Variants in OLFML1 observed in about 807,000 individuals in gnomAD.
OLFML1 encodes olfactomedin like 1, also known as olfactomedin-like protein 1.
Under a neutral mutation model 37.3 loss-of-function variants are expected in OLFML1, and 33 were observed. The observed-to-expected ratio is 0.88, with a 90% CI of 0.67 to 1.18. The LOEUF is 1.18. Ranked by LOEUF, OLFML1 falls within the 50% of genes most tolerant of loss-of-function variation. The pLI, the probability that OLFML1 is intolerant of heterozygous loss-of-function variation, is 0.00. For missense variants in OLFML1, 545 were observed against 483.7 expected, an observed-to-expected ratio of 1.13 and a Z score of -1.19; for synonymous variants, 186 against 181.3, an observed-to-expected ratio of 1.03 and a Z score of -0.21.
At position 7,511,001 on chromosome 11, in the gene OLFML1, G is replaced by A. The variant is rs888844873; in HGVS notation, c.*813G>A. The A allele has an allele frequency of 6.6e-6, 1 of 152,204 alleles. No homozygotes were observed. The highest frequency in any genetic ancestry group is 2.4e-5 in the African/African-American group (1 of 41,440). 9.4% of individuals were successfully genotyped at this position (152,204 alleles called of 1,614,324 possible). Reference sequence around the variant, plus strand: ...AAGTCTTTACAGCTGTCATTCTAGAGTTTAGGTGAGTAACACAATTACAAA... The same window carrying A: ...AAGTCTTTACAGCTGTCATTCTAGAATTTAGGTGAGTAACACAATTACAAA... On this transcript the variant is annotated 3_prime_UTR_variant, in exon 3 of 3. Transcript: ENST00000329293.
chr11:7,488,819 A>G (rs899528453), intron 2 of OLFML1: 1 of 163,782 alleles, frequency 6.1e-6, no homozygotes, highest in Admixed American at 5.9e-5. Flanking sequence ...AACAGTCTTA[A>G]ATTGGAAATG....
intron 2 of OLFML1, chr11:7,488,620 A>G (rs1848557243): frequency 2.2e-6 from 1 of 463,048 alleles, no homozygotes; most frequent in Admixed American, 3.8e-5. Flanking sequence ...TTTCTTTCAC[A>G]CACAGTGCCT....
chr11:7,488,071 T>G (rs113234262), intron 1 of OLFML1, 56 bp from the exon 2 acceptor site: 1 of 1,253,260 alleles, frequency 8.0e-7, no homozygotes, highest in African/African-American at 1.5e-5. Flanking sequence ...GTATTTATAT[T>G]ATTTGGGTAA....
In OLFML1 at chr11:7,509,691, A is replaced by G. The variant is rs1848832543; in HGVS notation, c.712A>G (p.Lys238Glu). 1 of 1,614,114 alleles carries G rather than the reference A, an allele frequency of 6.2e-7. No homozygotes were observed. Among genetic ancestry groups the G allele is most frequent in the African/African-American group, 1.3e-5 (1 of 74,936 alleles). The change falls in exon 3 of 3, where the codon AAA (lysine) becomes GAA (glutamate). Residue 238 changes from lysine (K) to glutamate (E), a missense_variant. Physicochemically the swap from Lys to Glu is moderately conservative, Grantham distance 56. Coordinates refer to ENST00000329293, the MANE Select transcript of OLFML1 (RefSeq NM_198474.4). ...CCAAGCAACTTCTAATGAGATAATC[A>G]AATATAACCTGCAGAAGAGGACTGT... ...HNQATSNEII[K>E]YNLQKRTVED...
chr11:7,509,444 G>C lies in OLFML1; in HGVS notation c.465G>C (p.Lys155Asn), dbSNP rs1252714861. 8.1e-6 allele frequency: 13 copies of C among 1,613,694 alleles called. No individual in the cohort carries two copies. Among genetic ancestry groups the C allele is most frequent in the African/African-American group, 1.3e-5 (1 of 74,916 alleles). ...LMGIKSLKIV[K>N]KMMDTHGSWM... ...GCATAAAGTCTTTGAAAATAGTGAAGAAGATGATGGACACACATGGCTCTT... is the reference window on the plus strand; with the variant it reads ...GCATAAAGTCTTTGAAAATAGTGAACAAGATGATGGACACACATGGCTCTT... Residue 155 changes from lysine (K) to asparagine (N), a missense_variant, in exon 3 of 3, where the codon AAG (lysine) becomes AAC (asparagine). Physicochemically the swap from Lys to Asn is moderately conservative, Grantham distance 94. Coordinates refer to ENST00000329293, the MANE Select transcript of OLFML1 (RefSeq NM_198474.4).
In OLFML1 at chr11:7,510,317, C is replaced by A. The variant is rs774343602; in HGVS notation, c.*129C>A. 1.4e-5 allele frequency: 10 copies of A among 720,818 alleles called. No individual in the cohort carries two copies. Among genetic ancestry groups the A allele is most frequent in the Non-Finnish European group, 2.0e-5 (9 of 449,564 alleles). The allele number at this position is 720,818 out of a possible 1,614,324, so 44.7% of individuals were successfully genotyped here. A position where few individuals can be genotyped will look rare whatever the true frequency, so the allele number is the denominator to read the frequency against. ...GGAAGAGTGTGTAGAAGTGGAAATACGTATGCCTCCTTTCCCAAATGTCAC... is the reference window on the plus strand; with the variant it reads ...GGAAGAGTGTGTAGAAGTGGAAATAAGTATGCCTCCTTTCCCAAATGTCAC... On this transcript the variant is annotated 3_prime_UTR_variant, in exon 3 of 3. Transcript: ENST00000329293.
intron 2 of OLFML1, chr11:7,504,882 C>G (rs1201241381): frequency 1.3e-5 from 2 of 152,158 alleles, no homozygotes; most frequent in Non-Finnish European, 2.9e-5. Flanking sequence ...GCTTTAAGAA[C>G]CCAAGCACTG....
chr11:7,490,858 C>T (rs1012039311), intron 2 of OLFML1, among the ~76,000 whole-genome samples: 1 of 152,148 alleles, frequency 6.6e-6, no homozygotes, highest in Non-Finnish European at 1.5e-5. Flanking sequence ...CTCCCACAGT[C>T]TGCCTCCTGT....
chr11:7,505,547 C>G (rs1298835437), intron 2 of OLFML1, among the ~76,000 whole-genome samples: 1 of 152,202 alleles, frequency 6.6e-6, no homozygotes, highest in African/African-American at 2.4e-5. Flanking sequence ...AAGTCCACAA[C>G]TGGATTGGAG....
intron 2 of OLFML1, among the ~76,000 whole-genome samples, chr11:7,498,941 C>A (rs1239879916): frequency 6.6e-6 from 1 of 152,186 alleles, no homozygotes; most frequent in African/African-American, 2.4e-5. Context: ...TACTTACAAA[C>A]TCATTACCTG....
intron 2 of OLFML1, among the ~76,000 whole-genome samples, chr11:7,492,756 C>G (rs1427041654): frequency 6.6e-6 from 1 of 152,200 alleles, no homozygotes; most frequent in Admixed American, 6.5e-5. Flanking sequence ...TCCCTCTCTT[C>G]TTCTCTCATT....
intron 2 of OLFML1, among the ~76,000 whole-genome samples, chr11:7,507,631 G>A (rs1030076726): frequency 6.6e-6 from 1 of 151,102 alleles, no homozygotes; most frequent in South Asian, 2.1e-4. Context: ...TCACTGCAAT[G>A]TCCGCCTCCT....
rs982289832 is a variant in OLFML1 at position 7,505,823 on chromosome 11, C to T, written c.419-3575C>T. On this transcript the variant is annotated intron_variant, in intron 2 of 2. Transcript: ENST00000329293. ...TCTAGCCTGTCTAATAGAGTAAAAA[C>T]CTGTCTCACCTGTCTTAAAAAAAAT... Among the ~76,000 whole-genome samples, 3 of 119,856 alleles carry T rather than the reference C, an allele frequency of 2.5e-5. No individual in the cohort carries two copies. In the East Asian group the frequency reaches 6.4e-4, roughly 26 times the overall value. The allele number at this position is 119,856 out of a possible 152,430, so 78.6% of individuals were successfully genotyped here. A position where few individuals can be genotyped will look rare whatever the true frequency, so the allele number is the denominator to read the frequency against.
chr11:7,509,827 A>C lies in OLFML1; in HGVS notation c.848A>C (p.His283Pro). ...AVDEHGLWAIHSGPGTHSHLV... is the reference protein window; with the variant it reads ...AVDEHGLWAIPSGPGTHSHLV... ...GATGAGCATGGGCTCTGGGCCATCC[A>C]CTCTGGGCCAGGCACCCATAGCCAT... is the stretch of plus-strand genomic sequence containing the variant. Residue 283 changes from histidine to proline, a missense_variant, in exon 3 of 3, where the codon CAC becomes CCC. Physicochemically the swap from His to Pro is moderately conservative, Grantham distance 77. Transcript: ENST00000329293. 6.2e-7 allele frequency: 1 copy of C among 1,613,924 alleles called. No homozygotes were observed. The highest frequency in any genetic ancestry group is 1.1e-5 in the South Asian group (1 of 91,082).
At chr11:7,491,855 C>T (rs1590058084) in intron 2 of OLFML1, among the ~76,000 whole-genome samples, 1 of 131,446 alleles carries the variant, frequency 7.6e-6, no homozygotes, top group Non-Finnish European at 1.6e-5. Context: ...AGCTATTGCT[C>T]CTTCAAGTAG....
chr11:7,505,893 T>G (rs1203372862), intron 2 of OLFML1, among the ~76,000 whole-genome samples: 2 of 152,132 alleles, frequency 1.3e-5, no homozygotes, highest in African/African-American at 4.8e-5. Context: ...AAATGACCAG[T>G]AGAGCTGATC....
At chr11:7,495,108 T>C (rs76936122) in intron 2 of OLFML1, among the ~76,000 whole-genome samples, 6,784 of 152,244 alleles carry the variant, frequency 0.045, 221 homozygotes, top group Non-Finnish European at 0.072. Flanking sequence ...CTATATCCAG[T>C]AGATTTTTTC....
At chr11:7,487,497 C>A (rs1327339162) in intron 1 of OLFML1, among the ~76,000 whole-genome samples, 1 of 152,238 alleles carries the variant, frequency 6.6e-6, no homozygotes, top group Non-Finnish European at 1.5e-5. Flanking sequence ...TTTGACCAAG[C>A]AATCCCATTT....
intron 2 of OLFML1, among the ~76,000 whole-genome samples, chr11:7,503,485 C>A (rs1256198313): frequency 6.6e-6 from 1 of 152,156 alleles, no homozygotes; most frequent in East Asian, 1.9e-4. Flanking sequence ...GATTTGCCAA[C>A]ATGGAGGCTG....
Sources: gnomAD v4.1 joint callset for allele counts (sites outside exome capture counted in the v4.1 genomes callset) on GRCh38, gnomAD v4.1.1 for gene constraint, MANE v1.5 for transcripts, NCBI Gene and HGNC (gene_info 2026-07-23, HGNC 2026-07-21) for gene names.